Variants in TNPO1 observed in about 807,000 individuals in gnomAD.
The protein encoded by TNPO1 is transportin 1, also known as transportin-1.
TNPO1 carries 8 observed loss-of-function variants against 119.5 expected under a neutral mutation model. That is an observed-to-expected ratio of 0.07 (90% CI 0.04 to 0.12). The LOEUF (loss-of-function observed/expected upper bound fraction) is 0.12. Among genes scored for constraint, TNPO1 ranks in the 10% least tolerant of loss-of-function variants. TNPO1 has a pLI of 1.00. For synonymous variants in TNPO1, 362 were observed against 363.0 expected (o/e 1.00, Z 0.03); for missense variants, 576 against 1,089.8 (o/e 0.53, Z 6.64).
chr5:72,854,367 T>C (rs1187806606), intron 3 of TNPO1, among the ~76,000 whole-genome samples: 2 of 152,332 alleles, frequency 1.3e-5, no homozygotes, highest in African/African-American at 4.8e-5. Flanking sequence ...TCTTTTTGCC[T>C]CTACATGTTG....
intron 4 of TNPO1, among the ~76,000 whole-genome samples, chr5:72,860,926 T>G (rs1305171401): frequency 2.0e-5 from 3 of 152,144 alleles, no homozygotes; most frequent in South Asian, 4.1e-4. Context: ...TTTTTTTTTT[T>G]TTTGAGACAG....
At chr5:72,822,453 G>A (rs1351052787) in intron 1 of TNPO1, among the ~76,000 whole-genome samples, 1 of 151,992 alleles carries the variant, frequency 6.6e-6, no homozygotes, top group East Asian at 1.9e-4. Context: ...TGACCCAGCA[G>A]TTTCCATTTC....
At chr5:72,860,240 A>G (rs372500891) in intron 4 of TNPO1, among the ~76,000 whole-genome samples, 1 of 152,158 alleles carries the variant, frequency 6.6e-6, no homozygotes, top group East Asian at 1.9e-4. Flanking sequence ...CATTTTCTAT[A>G]TATCCAATTG....
chr5:72,901,152 A>T, intron 22 of TNPO1, 79 bp downstream of exon 22: 1 of 840,104 alleles, frequency 1.2e-6, no homozygotes, highest in Non-Finnish European at 1.8e-6. Flanking sequence ...TACTTTAATT[A>T]TAAAAAGTTA....
intron 1 of TNPO1, among the ~76,000 whole-genome samples, chr5:72,823,021 G>A (rs1251861269): frequency 7.0e-6 from 1 of 143,462 alleles, no homozygotes; most frequent in Non-Finnish European, 1.5e-5. Flanking sequence ...CCCTTCTACT[G>A]TACTTTGTGA....
Position 72,908,960 on chromosome 5 carries a change from T to C in TNPO1, c.*287T>C. 2.3e-6 allele frequency: 1 copy of C among 442,194 alleles called. No homozygotes were observed. Among genetic ancestry groups the C allele is most frequent in the Non-Finnish European group, 4.5e-6 (1 of 221,044 alleles). The allele number at this position is 442,194 out of a possible 1,614,324, so 27.4% of individuals were successfully genotyped here. A position where few individuals can be genotyped will look rare whatever the true frequency, so the allele number is the denominator to read the frequency against. ...ATGTGAAGAAGCAAAAAAAAAAAAA[T>C]CTATTCAGTCTACTCACAAAACAGT... On this transcript the variant is annotated 3_prime_UTR_variant, in exon 25 of 25. Transcript: ENST00000337273.
intron 1 of TNPO1, among the ~76,000 whole-genome samples, chr5:72,821,162 G>A (rs896561145): frequency 6.7e-6 from 1 of 148,638 alleles, no homozygotes; most frequent in Admixed American, 6.8e-5. Context: ...CCTACAAGGT[G>A]TAGGAAGTTA....
intron 15 of TNPO1, 72 bp from the exon 16 acceptor site, chr5:72,893,067 C>A: frequency 2.6e-6 from 3 of 1,146,126 alleles, no homozygotes; most frequent in Non-Finnish European, 3.8e-6. Flanking sequence ...TCCTGTTGAG[C>A]GCAGTTTCAA....
At chr5:72,836,426 A>G (rs1744697225) in intron 1 of TNPO1, among the ~76,000 whole-genome samples, 1 of 152,158 alleles carries the variant, frequency 6.6e-6, no homozygotes, top group African/African-American at 2.4e-5. Context: ...TCTGAGCTGC[A>G]CCTGGGTGTG....
chr5:72,869,776 CACAA>C (rs970547980), intron 6 of TNPO1, among the ~76,000 whole-genome samples: 2 of 152,142 alleles, frequency 1.3e-5, no homozygotes, highest in African/African-American at 4.8e-5. Flanking sequence ...ATTCATTCTT[CACAA>C]ACAAATGCCA....
intron 1 of TNPO1, among the ~76,000 whole-genome samples, chr5:72,846,465 A>G (rs1745135434): frequency 6.6e-6 from 1 of 152,242 alleles, no homozygotes; most frequent in Non-Finnish European, 1.5e-5. Flanking sequence ...ATGTGAGATT[A>G]GAATGTAGAA....
At chr5:72,873,809 C>T (rs1468530010) in intron 7 of TNPO1, among the ~76,000 whole-genome samples, 1 of 152,008 alleles carries the variant, frequency 6.6e-6, no homozygotes, top group African/African-American at 2.4e-5. Context: ...CAATAATTGA[C>T]CTACCTTGTT....
chr5:72,906,358 C>T (rs1030350452), intron 24 of TNPO1, among the ~76,000 whole-genome samples: 5 of 123,270 alleles, frequency 4.1e-5, no homozygotes, highest in Admixed American at 1.0e-4. Flanking sequence ...GTGGCGCAAT[C>T]TGAGTTCACT....
At chr5:72,863,243 C>T (rs773124544) in intron 5 of TNPO1, among the ~76,000 whole-genome samples, 13 of 151,906 alleles carry the variant, frequency 8.6e-5, no homozygotes, top group Non-Finnish European at 1.6e-4. Flanking sequence ...TCTCAAAGAG[C>T]GGAGGTTGAA....
intron 5 of TNPO1, among the ~76,000 whole-genome samples, chr5:72,862,992 T>TTGTGTGTGTGTGTGTGTG (rs71614493): frequency 6.9e-6 from 1 of 144,772 alleles, no homozygotes; most frequent in African/African-American, 2.6e-5. Flanking sequence ...CTGTGGGTTT[T>TTGTGTGTGTGTGTGTGTG]TGTGTGTGTG....
intron 22 of TNPO1, 35 bp downstream of exon 22, chr5:72,901,108 A>G: frequency 7.3e-7 from 1 of 1,373,026 alleles, no homozygotes; most frequent in Non-Finnish European, 1.0e-6. Context: ...TTTAATGTCT[A>G]ATTAATAAAA....
intron 3 of TNPO1, 126 bp downstream of exon 3, chr5:72,851,445 C>A: frequency 1.6e-6 from 1 of 609,496 alleles, no homozygotes; most frequent in Non-Finnish European, 2.9e-6. Context: ...GTGGGATAAA[C>A]AGTCTTAGTT....
At chr5:72,855,415 T>A (rs1745915049) in intron 3 of TNPO1, among the ~76,000 whole-genome samples, 1 of 152,196 alleles carries the variant, frequency 6.6e-6, no homozygotes, top group African/African-American at 2.4e-5. Context: ...CTTAAATCAG[T>A]GGTTCTCAAC....
chr5:72,886,930 T>G (rs1334836735), intron 11 of TNPO1, 140 bp from the exon 12 acceptor site: 6 of 580,232 alleles, frequency 1.0e-5, no homozygotes, highest in African/African-American at 2.0e-5. Flanking sequence ...TGTTTTCACG[T>G]GACAAACTAC....
Sources: gnomAD v4.1 joint callset for allele counts (sites outside exome capture counted in the v4.1 genomes callset) on GRCh38, gnomAD v4.1.1 for gene constraint, MANE v1.5 for transcripts, NCBI Gene and HGNC (gene_info 2026-07-23, HGNC 2026-07-21) for gene names.